Variants in SHISA6 observed in about 807,000 individuals in gnomAD.
SHISA6 encodes protein shisa-6.
Under a neutral mutation model 47.9 loss-of-function variants are expected in SHISA6, and 22 were observed. The observed-to-expected ratio is 0.46, with a 90% CI of 0.33 to 0.66. SHISA6 has a LOEUF of 0.66. Ranked by LOEUF, SHISA6 falls within the 30% of genes least tolerant of loss-of-function variation. The pLI is 0.02. For missense variants in SHISA6, 680 were observed against 764.6 expected (o/e 0.89, Z 1.30); for synonymous variants, 388 against 337.8 (o/e 1.15, Z -1.63).
At position 11,258,452 on chromosome 17, in the gene SHISA6, TC is replaced by T. The variant is rs1326230417; in HGVS notation, c.639-4909del. ...CCAGGTGAACTAAGGGGCTCTAGGTTCCCCCACTTAATTTGGGGGGAACTAA... is the reference window on the plus strand; with the variant it reads ...CCAGGTGAACTAAGGGGCTCTAGGTTCCCCACTTAATTTGGGGGGAACTAA... On this transcript the variant is annotated intron_variant, in intron 1 of 5. Coordinates refer to ENST00000441885, the MANE Select transcript of SHISA6 (RefSeq NM_207386.4). 1.2e-4 allele frequency among the ~76,000 whole-genome samples: 18 copies of T among 152,256 alleles called. No homozygotes were observed. In the East Asian group the frequency reaches 3.3e-3, roughly 28 times the overall value.
chr17:11,379,447 G>A lies in SHISA6; in HGVS notation c.833G>A (p.Gly278Glu). 6.5e-7 allele frequency: 1 copy of A among 1,542,410 alleles called. No individual in the cohort carries two copies. Among genetic ancestry groups the A allele is most frequent in the African/African-American group, 1.4e-5 (1 of 72,410 alleles). ...GGGAAGGATGCTTACCGAAGTGGAG[G>A]ACCTGATCTCCATAACTTCATCTCA... ...HYGKDAYRSGGPDLHNFISSG... is the reference protein window; with the variant it reads ...HYGKDAYRSGEPDLHNFISSG... Residue 278 changes from glycine (G) to glutamate (E), a missense_variant, in exon 3 of 6, where the codon GGA (glycine) becomes GAA (glutamate). Gly to Glu is a moderately conservative substitution (Grantham distance 98). Coordinates refer to ENST00000441885, the MANE Select transcript of SHISA6 (RefSeq NM_207386.4).
intron 2 of SHISA6, among the ~76,000 whole-genome samples, chr17:11,355,801 G>A (rs542137010): frequency 6.6e-6 from 1 of 152,314 alleles, no homozygotes; most frequent in East Asian, 1.9e-4. Context: ...TGATGAGTTA[G>A]ACAGAAGGGG....
chr17:11,416,701 G>T (rs1013115697), intron 3 of SHISA6, among the ~76,000 whole-genome samples: 2 of 152,048 alleles, frequency 1.3e-5, no homozygotes, highest in African/African-American at 4.8e-5. Flanking sequence ...TATGTATATT[G>T]ACTATGTCAA....
At position 11,338,818 on chromosome 17, in the gene SHISA6, A is replaced by C. The variant is rs141645535; in HGVS notation, c.800-40596A>C. 4.0e-4 allele frequency among the ~76,000 whole-genome samples: 61 copies of C among 152,224 alleles called. No homozygotes were observed. The East Asian group carries it at 8.3e-3, about 21-fold the overall frequency. On this transcript the variant is annotated intron_variant, in intron 2 of 5. Transcript: ENST00000441885. The stretch of plus-strand genomic sequence containing the variant: ...ATTTTGCTGTTAATCTTGCTTCCTC[A>C]CAGATTACTACTGAAACTGCAAAGA...
chr17:11,308,817 G>T (rs1217023675), intron 2 of SHISA6, among the ~76,000 whole-genome samples: 1 of 152,176 alleles, frequency 6.6e-6, no homozygotes, highest in African/African-American at 2.4e-5. Context: ...TTATGTAAAG[G>T]GAAGAACAGG....
At chr17:11,362,505 C>T (rs1265229437) in intron 2 of SHISA6, among the ~76,000 whole-genome samples, 1 of 152,164 alleles carries the variant, frequency 6.6e-6, no homozygotes, top group Non-Finnish European at 1.5e-5. Context: ...AATTTCACTT[C>T]CTTGAAATAT....
intron 2 of SHISA6, among the ~76,000 whole-genome samples, chr17:11,343,024 A>AG (rs1911590681): frequency 6.6e-6 from 1 of 152,236 alleles, no homozygotes; most frequent in Non-Finnish European, 1.5e-5. Context: ...GTGGAAACAC[A>AG]GGGACTGACT....
chr17:11,306,232 T>A (rs975601615), intron 2 of SHISA6, among the ~76,000 whole-genome samples: 4 of 152,108 alleles, frequency 2.6e-5, no homozygotes, highest in African/African-American at 9.7e-5. Context: ...GGATTCCCGA[T>A]CCAGAGGTTG....
chr17:11,374,743 TTAATAC>T (rs1464638999), intron 2 of SHISA6, among the ~76,000 whole-genome samples: 1 of 152,030 alleles, frequency 6.6e-6, no homozygotes, highest in Non-Finnish European at 1.5e-5. Context: ...GTACTAGCAC[TTAATAC>T]TAGTACTTAA....
chr17:11,348,234 T>C (rs2142218289), intron 2 of SHISA6, among the ~76,000 whole-genome samples: 1 of 152,284 alleles, frequency 6.6e-6, no homozygotes, highest in East Asian at 1.9e-4. Context: ...CTTTGCTCTA[T>C]TTATGGGACC....
chr17:11,533,408 C>T (rs9901487), intron 3 of SHISA6, among the ~76,000 whole-genome samples: 1 of 152,048 alleles, frequency 6.6e-6, no homozygotes, highest in Non-Finnish European at 1.5e-5. Context: ...TCTACCGTCT[C>T]TCATCTGCAC....
intron 2 of SHISA6, among the ~76,000 whole-genome samples, chr17:11,358,859 A>C (rs1912166046): frequency 6.6e-6 from 1 of 151,854 alleles, no homozygotes; most frequent in Admixed American, 6.6e-5. Context: ...GGGTTTCACC[A>C]TGTTGCCTAG....
chr17:11,373,972 T>C (rs1302930773), intron 2 of SHISA6, among the ~76,000 whole-genome samples: 1 of 152,174 alleles, frequency 6.6e-6, no homozygotes, highest in Non-Finnish European at 1.5e-5. Context: ...TTATTAGCCA[T>C]TGCCAAAGTT....
intron 2 of SHISA6, among the ~76,000 whole-genome samples, chr17:11,352,717 C>G (rs1911930245): frequency 2.0e-5 from 3 of 152,108 alleles, no homozygotes; most frequent in Admixed American, 2.0e-4. Flanking sequence ...GGTTGGTGCG[C>G]CTTGTGCATG....
chr17:11,354,504 T>C (rs111996759), intron 2 of SHISA6, among the ~76,000 whole-genome samples: 1 of 152,332 alleles, frequency 6.6e-6, no homozygotes, highest in African/African-American at 2.4e-5. Context: ...TGTTCCATTC[T>C]CCACATTCTC....
In SHISA6 at chr17:11,322,924, A is replaced by C. The variant is rs140640006; in HGVS notation, c.800-56490A>C. ...GAAAATTTTGAGATTTTTCTTTAGA[A>C]GTTAAGGGTTCCCAAAGGTTTGAAG... On this transcript the variant is annotated intron_variant, in intron 2 of 5. Transcript: ENST00000441885. 3.9e-5 allele frequency among the ~76,000 whole-genome samples: 6 copies of C among 152,284 alleles called. 1 individual carries two copies. Among genetic ancestry groups the C allele is most frequent in the African/African-American group, 1.4e-4 (6 of 41,550 alleles).
intron 3 of SHISA6, among the ~76,000 whole-genome samples, chr17:11,473,306 A>G (rs1915972925): frequency 6.6e-6 from 1 of 151,958 alleles, no homozygotes; most frequent in Admixed American, 6.6e-5. Context: ...TAGGTTATAA[A>G]TCCATTTTGG....
intron 3 of SHISA6, among the ~76,000 whole-genome samples, chr17:11,516,113 C>G (rs938014713): frequency 1.3e-5 from 2 of 152,154 alleles, no homozygotes; most frequent in African/African-American, 2.4e-5. Flanking sequence ...CCATCATTCC[C>G]TCCAGGGTTG....
At chr17:11,546,986 A>C (rs2142383886) in intron 3 of SHISA6, among the ~76,000 whole-genome samples, 1 of 152,342 alleles carries the variant, frequency 6.6e-6, no homozygotes, top group South Asian at 2.1e-4. Context: ...TAAATGGTAC[A>C]TGCGATAAAC....
Sources: allele counts gnomAD v4.1 joint callset (sites outside exome capture counted in the v4.1 genomes callset), GRCh38; gene constraint gnomAD v4.1.1; transcripts MANE v1.5; gene names NCBI Gene and HGNC (gene_info 2026-07-23, HGNC 2026-07-21).